The following NR2C2 variants were observed in gnomAD, a reference collection of about 807,000 sequenced individuals.
NR2C2 encodes the protein Nuclear hormone receptor TR4.
In NR2C2, 6 loss-of-function variants were observed where a neutral mutation model predicts 62.9. The ratio of observed to expected loss-of-function variants is 0.10; its 90% CI spans 0.05 to 0.19. The LOEUF is 0.19. NR2C2 is among the 10% of genes least tolerant of loss of function. The pLI is 1.00. For missense variants in NR2C2, 479 were observed against 762.7 expected, an observed-to-expected ratio of 0.63 and a Z score of 4.38; for synonymous variants, 272 against 273.8, an observed-to-expected ratio of 0.99 and a Z score of 0.07.
intron 2 of NR2C2, among the ~76,000 whole-genome samples, chr3:15,007,563 C>G (rs548120750): frequency 6.6e-6 from 1 of 152,276 alleles, no homozygotes; most frequent in African/African-American, 2.4e-5. Flanking sequence ...CCAGTCTCTT[C>G]CATTGAACTA....
Position 15,030,554 on chromosome 3 carries a change from A to G in NR2C2, c.1110+102A>G, listed in dbSNP as rs567005738. 115 of 1,199,310 alleles carry G rather than the reference A, an allele frequency of 9.6e-5. 1 individual carries two copies. The South Asian group carries it at 1.5e-3, about 16-fold the overall frequency. 74.3% of individuals were successfully genotyped at this position (1,199,310 alleles called of 1,614,324 possible). A position where few individuals can be genotyped will look rare whatever the true frequency, so the allele number is the denominator to read the frequency against. On this transcript the variant is annotated intron_variant, in intron 9 of 13. Transcript: ENST00000425241. Reference sequence around the variant, plus strand: ...TAAAAATCAAACCTTGGGGCCAGGCATAGTGGCTCATGCCTGTAATCTTAG... The same window carrying G: ...TAAAAATCAAACCTTGGGGCCAGGCGTAGTGGCTCATGCCTGTAATCTTAG...
rs754275673 is a variant in NR2C2 at position 15,038,134 on chromosome 3, C to A, written c.1507C>A (p.Pro503Thr). The part of the protein sequence containing the change: ...AYLKAIVLFS[P>T]DHPGLTSTSQ... ...CCTTAAAGCTATAGTTCTCTTTAGC[C>A]CCGGTAAGATATGCGGTGGGGATGC... Residue 503 changes from proline to threonine, a missense_variant, in exon 12 of 14, where the codon CCC becomes ACC. Pro to Thr is a conservative substitution (Grantham distance 38). Coordinates refer to ENST00000425241, the MANE Select transcript of NR2C2 (RefSeq NM_001291694.2). 1 of 1,609,698 alleles carries A rather than the reference C, an allele frequency of 6.2e-7. No homozygotes were observed. Among genetic ancestry groups the A allele is most frequent in the Non-Finnish European group, 8.5e-7 (1 of 1,177,954 alleles).
At chr3:15,029,988 A>G (rs2041936086) in intron 8 of NR2C2, among the ~76,000 whole-genome samples, 1 of 152,184 alleles carries the variant, frequency 6.6e-6, no homozygotes, top group Non-Finnish European at 1.5e-5. Context: ...GTTAGATAAT[A>G]CATAGCTCAG....
intron 4 of NR2C2, among the ~76,000 whole-genome samples, chr3:15,016,679 G>A (rs1458318244): frequency 6.6e-6 from 1 of 152,210 alleles, no homozygotes; most frequent in Non-Finnish European, 1.5e-5. Context: ...GCAGGAGGAG[G>A]CATGTGATTC....
In NR2C2 at chr3:15,043,791, AC is replaced by A. The variant is rs1324478434; in HGVS notation, c.*785del. ...ATGGGCATCTGCAGACTCCTCTAGA[AC>A]CTGGGGTTCTCCTTTGATGACTGGT... On this transcript the variant is annotated 3_prime_UTR_variant, in exon 14 of 14. Transcript: ENST00000425241. 6.6e-6 allele frequency: 1 copy of A among 152,176 alleles called. No homozygotes were observed. Among genetic ancestry groups the A allele is most frequent in the African/African-American group, 2.4e-5 (1 of 41,438 alleles). 9.4% of individuals were successfully genotyped at this position (152,176 alleles called of 1,614,324 possible).
At chr3:15,039,355 A>C in intron 13 of NR2C2, 128 bp downstream of exon 13, 3 of 658,454 alleles carry the variant, frequency 4.6e-6, no homozygotes, top group Non-Finnish European at 8.1e-6. Context: ...ATTGGATCAC[A>C]CTCTAATTCT....
chr3:14,948,646 C>G (rs1362580425), intron 1 of NR2C2: 2 of 153,216 alleles, frequency 1.3e-5, no homozygotes, highest in African/African-American at 4.8e-5. Context: ...AGGCCGGCGC[C>G]TGGTCTTGGG....
Position 15,004,661 on chromosome 3 carries a change from A to C in NR2C2, c.72+675A>C, listed in dbSNP as rs79843568. The stretch of plus-strand genomic sequence containing the variant: ...CAAAAAGCTGGGAGGAAGGGATAAT[A>C]TATTGATGACAAAGATTTATTGTTA... On this transcript the variant is annotated intron_variant, in intron 2 of 13. Transcript: ENST00000425241. The C allele has an allele frequency of 7.8e-3, 12,401 of 1,596,638 alleles. 798 individuals are homozygous for C. In the African/African-American group the frequency reaches 0.14, roughly 18 times the overall value.
chr3:14,953,747 T>C (rs2039437133), intron 1 of NR2C2, among the ~76,000 whole-genome samples: 1 of 151,930 alleles, frequency 6.6e-6, no homozygotes, highest in African/African-American at 2.4e-5. Flanking sequence ...TACAAAAAAT[T>C]AGCTGGGCGT....
chr3:14,998,313 ACT>A (rs1378346956), intron 1 of NR2C2, among the ~76,000 whole-genome samples: 1 of 152,066 alleles, frequency 6.6e-6, no homozygotes, highest in Non-Finnish European at 1.5e-5. Flanking sequence ...TCATATGGCA[ACT>A]CTGTGTTTAC....
chr3:15,016,051 C>T (rs2041501982), intron 3 of NR2C2, 101 bp from the exon 4 acceptor site: 3 of 844,910 alleles, frequency 3.6e-6, no homozygotes, highest in South Asian at 1.5e-5. Context: ...ATCCACCCAC[C>T]TCAGCCTCCC....
intron 1 of NR2C2, among the ~76,000 whole-genome samples, chr3:14,968,436 T>TA (rs1370899864): frequency 6.6e-6 from 1 of 151,856 alleles, no homozygotes; most frequent in African/African-American, 2.4e-5. Context: ...CACAATGAGA[T>TA]ACCATCTCAC....
At chr3:14,966,823 A>G (rs116713856) in intron 1 of NR2C2, among the ~76,000 whole-genome samples, 2,411 of 152,330 alleles carry the variant, frequency 0.016, 68 homozygotes, top group African/African-American at 0.054. Flanking sequence ...ACAGTTGAAT[A>G]TAGTGGTCAA....
intron 2 of NR2C2, among the ~76,000 whole-genome samples, chr3:15,004,255 C>T (rs962681975): frequency 5.9e-5 from 9 of 152,310 alleles, no homozygotes; most frequent in Admixed American, 3.9e-4. Context: ...GGCAGTATGT[C>T]TTAGTACTGT....
chr3:14,964,236 T>G (rs934446837), intron 1 of NR2C2, among the ~76,000 whole-genome samples: 1 of 152,228 alleles, frequency 6.6e-6, no homozygotes, highest in Non-Finnish European at 1.5e-5. Context: ...TATTAAATAT[T>G]GAAATAAATG....
rs552748616 is a variant in NR2C2, at chr3:15,045,600, G to A, written c.*2592G>A. 1 of 152,720 alleles carries A rather than the reference G, an allele frequency of 6.5e-6. No homozygotes were observed. The highest frequency in any genetic ancestry group is 2.4e-5 in the African/African-American group (1 of 41,556). 9.5% of individuals were successfully genotyped at this position (152,720 alleles called of 1,614,324 possible). Reference sequence around the variant, plus strand: ...TCATGTCCACGTAACCTGTATTCTTGCTGCTTTAACTCATTTCAAGCCTCT... The same window carrying A: ...TCATGTCCACGTAACCTGTATTCTTACTGCTTTAACTCATTTCAAGCCTCT... On this transcript the variant is annotated 3_prime_UTR_variant, in exon 14 of 14. Coordinates refer to ENST00000425241, the MANE Select transcript of NR2C2 (RefSeq NM_001291694.2).
intron 1 of NR2C2, among the ~76,000 whole-genome samples, chr3:14,992,472 C>G (rs370151324): frequency 6.6e-6 from 1 of 152,108 alleles, no homozygotes; most frequent in East Asian, 1.9e-4. Flanking sequence ...TTATTCATCC[C>G]CTAAGGTATT....
intron 1 of NR2C2, among the ~76,000 whole-genome samples, chr3:14,974,582 C>T (rs1452121155): frequency 4.0e-5 from 6 of 149,280 alleles, no homozygotes; most frequent in Admixed American, 2.0e-4. Context: ...TTATAGTTTT[C>T]GGTGTATACT....
intron 1 of NR2C2, among the ~76,000 whole-genome samples, chr3:14,979,450 CA>C (rs1459072677): frequency 6.6e-6 from 1 of 152,040 alleles, no homozygotes; most frequent in African/African-American, 2.4e-5. Flanking sequence ...TATCAGGAAA[CA>C]GACAATAAAC....
Sources: allele counts gnomAD v4.1 joint callset (sites outside exome capture counted in the v4.1 genomes callset), GRCh38; gene constraint gnomAD v4.1.1; transcripts MANE v1.5; gene names NCBI Gene and HGNC (gene_info 2026-07-23, HGNC 2026-07-21).